Variants in DNM3 observed in about 807,000 individuals in gnomAD.
DNM3 encodes the protein dynamin-3.
A neutral mutation model predicts 101.6 loss-of-function variants in DNM3; 47 were observed. The observed-to-expected ratio is 0.46, with a 90% CI of 0.37 to 0.59. The LOEUF (loss-of-function observed/expected upper bound fraction) is 0.59. DNM3 is among the 20% of genes least tolerant of loss of function. The probability of loss-of-function intolerance (pLI) is 0.00; values close to 1 mark genes in which losing one functional copy is unlikely to be tolerated. For synonymous variants in DNM3, 385 were observed against 387.9 expected (o/e 0.99, Z 0.09); for missense variants, 849 against 1,085.7 (o/e 0.78, Z 3.06).
intron 15 of DNM3, among the ~76,000 whole-genome samples, chr1:172,268,824 G>A (rs1172511854): frequency 2.0e-5 from 3 of 152,032 alleles, no homozygotes; most frequent in African/African-American, 7.2e-5. Flanking sequence ...GTCCTACTTG[G>A]ATGATTGTTT....
chr1:172,396,593 A>AATTT (rs2070023470), intron 20 of DNM3, among the ~76,000 whole-genome samples: 1 of 152,218 alleles, frequency 6.6e-6, no homozygotes, highest in Non-Finnish European at 1.5e-5. Flanking sequence ...CTTCTATGGT[A>AATTT]ATTTTGAAAC....
intron 14 of DNM3, among the ~76,000 whole-genome samples, chr1:172,202,141 T>C (rs1025168676): frequency 6.6e-6 from 1 of 152,170 alleles, no homozygotes; most frequent in Non-Finnish European, 1.5e-5. Context: ...TTCATTCCTC[T>C]CCATGAGAGG....
chr1:171,940,606 TAGAA>T (rs1000495813), intron 2 of DNM3, among the ~76,000 whole-genome samples: 3 of 152,204 alleles, frequency 2.0e-5, no homozygotes, highest in Admixed American at 6.6e-5. Context: ...AAGTTGGACT[TAGAA>T]AGAATGTATC....
intron 2 of DNM3, 29 bp from the exon 3 acceptor site, chr1:171,987,627 G>A: frequency 3.3e-6 from 5 of 1,537,922 alleles, no homozygotes; most frequent in Non-Finnish European, 4.4e-6. Flanking sequence ...ATGAATTTAA[G>A]TTGTGTCATT....
chr1:172,055,357 C>A (rs573547215), intron 10 of DNM3, among the ~76,000 whole-genome samples: 3 of 152,060 alleles, frequency 2.0e-5, no homozygotes, highest in Non-Finnish European at 4.4e-5. Context: ...ATTCAAATGC[C>A]CCATAAAGCA....
chr1:172,277,709 C>G (rs2063341073), intron 15 of DNM3, among the ~76,000 whole-genome samples: 1 of 151,992 alleles, frequency 6.6e-6, no homozygotes, highest in South Asian at 2.1e-4. Flanking sequence ...AGAGAATTAT[C>G]TTTTATGAAA....
chr1:172,161,620 G>A (rs1468231412), intron 14 of DNM3, among the ~76,000 whole-genome samples: 1 of 151,974 alleles, frequency 6.6e-6, no homozygotes, highest in African/African-American at 2.4e-5. Context: ...AAATGATTCA[G>A]GACTGCAATC....
intron 4 of DNM3, among the ~76,000 whole-genome samples, chr1:172,027,621 G>C (rs58679315): frequency 0.046 from 6,558 of 142,632 alleles, 242 homozygotes; most frequent in East Asian, 0.15. Context: ...CACACACAGA[G>C]AGAGAGAAAT....
rs138466821 is a variant in DNM3, at chr1:171,955,000, A to C, written c.236-32656A>C. On this transcript the variant is annotated intron_variant, in intron 2 of 20. Coordinates refer to ENST00000627582, the MANE Select transcript of DNM3 (RefSeq NM_015569.5). ...GAGAAGTTCTGTTGGAATTAAATTA[A>C]TATTCTCCTTTTTAAACACCTGGCT... 1.4e-4 allele frequency among the ~76,000 whole-genome samples: 21 copies of C among 152,338 alleles called. No individual in the cohort carries two copies. The East Asian group carries it at 3.7e-3, about 27-fold the overall frequency.
Position 172,387,303 on chromosome 1 carries a change from C to T in DNM3, c.2229C>T (p.Thr743=), listed in dbSNP as rs778622219. 4 of 1,613,840 alleles carry T rather than the reference C, an allele frequency of 2.5e-6. No homozygotes were observed. Among genetic ancestry groups the T allele is most frequent in the African/African-American group, 2.7e-5 (2 of 75,014 alleles). ...TAATTGGGGACATCAGCACAGCCAC[C>T]GTGTCCACTCCGGCACCCCCTCCAG... is the stretch of plus-strand genomic sequence containing the variant. ...LGIIGDISTA[T]VSTPAPPPVD... The change falls in exon 19 of 21, where the codon ACC becomes ACT. Residue 743 remains threonine, a synonymous_variant. Transcript: ENST00000627582.
chr1:172,382,492 G>A (rs2068963720), intron 18 of DNM3, among the ~76,000 whole-genome samples: 1 of 152,144 alleles, frequency 6.6e-6, no homozygotes, highest in Non-Finnish European at 1.5e-5. Context: ...AAGAAATTGA[G>A]GTTCTGAGAC....
intron 16 of DNM3, among the ~76,000 whole-genome samples, chr1:172,318,790 A>T (rs1427968928): frequency 6.6e-6 from 1 of 152,238 alleles, no homozygotes; most frequent in East Asian, 1.9e-4. Context: ...AAGAATCAAT[A>T]TCATGAAAAT....
intron 16 of DNM3, among the ~76,000 whole-genome samples, chr1:172,317,062 C>T (rs2148896164): frequency 6.6e-6 from 1 of 152,050 alleles, no homozygotes; most frequent in African/African-American, 2.4e-5. Flanking sequence ...TGCAATCAAA[C>T]TAGAACTCAG....
chr1:172,017,221 A>G (rs796234536), intron 4 of DNM3, among the ~76,000 whole-genome samples: 1 of 151,944 alleles, frequency 6.6e-6, no homozygotes, highest in Non-Finnish European at 1.5e-5. Flanking sequence ...TCTAGTTCTT[A>G]TTATTTCTTT....
At chr1:172,318,825 TAGATTC>T (rs1452461222) in intron 16 of DNM3, among the ~76,000 whole-genome samples, 8 of 152,162 alleles carry the variant, frequency 5.3e-5, no homozygotes, top group African/African-American at 1.9e-4. Context: ...AGGTAATTTA[TAGATTC>T]AGTGCCATCC....
intron 14 of DNM3, among the ~76,000 whole-genome samples, chr1:172,135,620 A>G (rs1016021474): frequency 6.6e-6 from 1 of 152,096 alleles, no homozygotes; most frequent in Non-Finnish European, 1.5e-5. Flanking sequence ...TACATTGCCC[A>G]TATATGTTGT....
chr1:172,357,315 T>C (rs1413120459), intron 17 of DNM3, among the ~76,000 whole-genome samples: 1 of 152,024 alleles, frequency 6.6e-6, no homozygotes, highest in Non-Finnish European at 1.5e-5. Flanking sequence ...ATAGAAACTT[T>C]ACAGTGGAGA....
At position 172,038,411 on chromosome 1, in the gene DNM3, C is replaced by A; in HGVS notation, c.942C>A (p.Tyr314Ter). ...CCATAGAACATGAAGTAGAAGCCTA[C>A]AAAAATTTCAAACCAGAAGACCCAA... ...LLSIEHEVEA[Y>*]KNFKPEDPTR... is the part of the protein sequence containing the mutation. The change falls in exon 7 of 21, where the codon TAC (tyrosine) becomes TAA (stop). Residue 314 changes from tyrosine (Y) to a stop codon, truncating the protein, a stop_gained. Transcript: ENST00000627582. LOFTEE classifies it high-confidence loss of function. 6.2e-7 allele frequency: 1 copy of A among 1,613,392 alleles called. No individual in the cohort carries two copies. Among genetic ancestry groups the A allele is most frequent in the Non-Finnish European group, 8.5e-7 (1 of 1,179,542 alleles).
chr1:171,880,835 A>G (rs539086731), intron 1 of DNM3, among the ~76,000 whole-genome samples: 7 of 152,148 alleles, frequency 4.6e-5, no homozygotes, highest in Non-Finnish European at 1.0e-4. Flanking sequence ...AATGATTCCA[A>G]AAAGTTCTTC....
Sources: allele counts gnomAD v4.1 joint callset (sites outside exome capture counted in the v4.1 genomes callset), GRCh38; gene constraint gnomAD v4.1.1; transcripts MANE v1.5; gene names NCBI Gene and HGNC (gene_info 2026-07-23, HGNC 2026-07-21).